The following SASH1 variants were observed in gnomAD, a reference collection of about 807,000 sequenced individuals.
SASH1 encodes SAM and SH3 domain-containing protein 1.
SASH1 carries 44 observed loss-of-function variants against 125.2 expected under a neutral mutation model. That is an observed-to-expected ratio of 0.35 (90% CI 0.28 to 0.45). SASH1 has a LOEUF of 0.45. Ranked by LOEUF, SASH1 falls within the 20% of genes least tolerant of loss-of-function variation. The pLI is 1.00. For missense variants in SASH1, 1,426 were observed against 1,614.5 expected, an observed-to-expected ratio of 0.88 and a Z score of 2.00; for synonymous variants, 639 against 649.1, an observed-to-expected ratio of 0.98 and a Z score of 0.24.
At chr6:148,198,629 ATGT>A in the SASH1 span, among the ~76,000 whole-genome samples, 6 of 152,258 alleles carry the variant, frequency 3.9e-5, no homozygotes, top group Non-Finnish European at 8.8e-5. Context: ...GAAAATCAAG[ATGT>A]TGTATGTTTA....
rs1210293166 is a variant in SASH1 at position 148,550,136 on chromosome 6, G to A, written c.*1578G>A. The stretch of plus-strand genomic sequence containing the variant: ...GGCCTCTGTCCTCTTTTAGTCTAGT[G>A]TCTGGTTTTCTAGCAAACAGTAAAT... On this transcript the variant is annotated 3_prime_UTR_variant, in exon 20 of 20. Transcript: ENST00000367467. 1 of 152,128 alleles carries A rather than the reference G, an allele frequency of 6.6e-6. No homozygotes were observed. Among genetic ancestry groups the A allele is most frequent in the East Asian group, 1.9e-4 (1 of 5,188 alleles). The allele number at this position is 152,128 out of a possible 1,614,324, so 9.4% of individuals were successfully genotyped here.
chr6:148,339,004 TA>T (rs760321688), upstream of SASH1, among the ~76,000 whole-genome samples: 113 of 88,206 alleles, frequency 1.3e-3, no homozygotes, highest in Middle Eastern at 7.0e-3. Context: ...ACTCTGTCTT[TA>T]AAAAAAAAAA....
intron 1 of SASH1, among the ~76,000 whole-genome samples, chr6:148,368,763 C>CGT (rs1491342110): frequency 8.1e-6 from 1 of 124,172 alleles, no homozygotes. Context: ...TGCGCGCGCA[C>CGT]GCGCGCGCAC....
chr6:148,306,049 C>T (rs1206740346), intron 1 of SASH1, among the ~76,000 whole-genome samples: 1 of 151,932 alleles, frequency 6.6e-6, no homozygotes, highest in Non-Finnish European at 1.5e-5. Context: ...TACTATGTAT[C>T]CATAAAAATT....
chr6:148,540,439 C>T lies in SASH1; in HGVS notation c.2096-4C>T, dbSNP rs1186077560. The T allele has an allele frequency of 1.9e-6, 3 of 1,612,190 alleles. No homozygotes were observed. The highest frequency in any genetic ancestry group is 1.7e-6 in the Non-Finnish European group (2 of 1,178,596). The stretch of plus-strand genomic sequence containing the variant: ...TTGATTTCATGCCGTGTTCTCTCCT[C>T]TAGGTAACAGCGACCAGTCAGGATC... On this transcript the variant is annotated splice_region_variant and splice_polypyrimidine_tract_variant and intron_variant, in intron 16 of 19. Transcript: ENST00000367467.
intron 1 of SASH1, among the ~76,000 whole-genome samples, chr6:148,276,641 CAGAG>C (rs759186288): frequency 6.6e-6 from 1 of 152,148 alleles, no homozygotes; most frequent in East Asian, 1.9e-4. Context: ...CAAAGGGAGA[CAGAG>C]AGAAGAGAAA....
chr6:148,397,467 A>G (rs1313857320), intron 2 of SASH1, among the ~76,000 whole-genome samples: 1 of 152,234 alleles, frequency 6.6e-6, no homozygotes, highest in Non-Finnish European at 1.5e-5. Context: ...CCTGGGTGAC[A>G]GAGTGAGACT....
chr6:148,389,287 G>T (rs1272375460), intron 1 of SASH1, among the ~76,000 whole-genome samples: 1 of 152,190 alleles, frequency 6.6e-6, no homozygotes, highest in Admixed American at 6.5e-5. Context: ...AGGTTGAGAC[G>T]TGCCTAAGGC....
At chr6:148,214,073 C>T in the SASH1 span, among the ~76,000 whole-genome samples, 1 of 152,098 alleles carries the variant, frequency 6.6e-6, no homozygotes, top group Non-Finnish European at 1.5e-5. Flanking sequence ...TTGATAATGG[C>T]AGATTGGGGT....
chr6:148,363,211 T>A (rs1210717816), intron 1 of SASH1, among the ~76,000 whole-genome samples: 1 of 152,226 alleles, frequency 6.6e-6, no homozygotes, highest in African/African-American at 2.4e-5. Context: ...TCCTCAATCC[T>A]TTGAATGCAA....
chr6:148,542,120 A>C (rs1583331606), intron 17 of SASH1, among the ~76,000 whole-genome samples: 1 of 152,212 alleles, frequency 6.6e-6, no homozygotes, highest in South Asian at 2.1e-4. Context: ...TCATGCCCAA[A>C]TGAATTCAGG....
chr6:148,485,166 G>T (rs1053052508), intron 7 of SASH1, among the ~76,000 whole-genome samples: 6 of 152,106 alleles, frequency 3.9e-5, no homozygotes, highest in African/African-American at 1.4e-4. Flanking sequence ...ATGCAGCTAA[G>T]GTTGGATATA....
chr6:148,263,106 A>G, the SASH1 span, among the ~76,000 whole-genome samples: 1 of 152,218 alleles, frequency 6.6e-6, no homozygotes, highest in Admixed American at 6.5e-5. Context: ...GACGGCAGGC[A>G]GACTCCTTGG....
At chr6:148,387,520 TTTCTTTCTTTC>T (rs1168848039) in intron 1 of SASH1, among the ~76,000 whole-genome samples, 3 of 130,896 alleles carry the variant, frequency 2.3e-5, no homozygotes, top group Non-Finnish European at 3.7e-5. Flanking sequence ...TTTTTCCTTC[TTTCTTTCTTTC>T]TTCTTTCTTT....
intron 16 of SASH1, among the ~76,000 whole-genome samples, chr6:148,537,066 T>TAAAGTC (rs1173518337): frequency 2.0e-5 from 3 of 152,190 alleles, no homozygotes; most frequent in African/African-American, 7.2e-5. Context: ...CCAATACAGT[T>TAAAGTC]AAAGTCATCG....
intron 19 of SASH1, among the ~76,000 whole-genome samples, chr6:148,547,488 G>A (rs899071710): frequency 3.3e-5 from 5 of 152,164 alleles, no homozygotes; most frequent in Non-Finnish European, 4.4e-5. Context: ...AAGCAGGGGG[G>A]TGGCTATTGT....
intron 1 of SASH1, among the ~76,000 whole-genome samples, chr6:148,347,997 T>C (rs1047687233): frequency 6.6e-5 from 10 of 152,072 alleles, no homozygotes; most frequent in Admixed American, 5.2e-4. Flanking sequence ...ATAATTTTAT[T>C]TATTTATTTG....
intron 1 of SASH1, among the ~76,000 whole-genome samples, chr6:148,354,787 G>A (rs1472096659): frequency 6.6e-6 from 1 of 152,100 alleles, no homozygotes; most frequent in Non-Finnish European, 1.5e-5. Context: ...CCGCGAGATG[G>A]AGTCTTGCTC....
At chr6:148,307,186 T>C (rs1353218662) in intron 1 of SASH1, among the ~76,000 whole-genome samples, 1 of 151,852 alleles carries the variant, frequency 6.6e-6, no homozygotes, top group Non-Finnish European at 1.5e-5. Context: ...TGGCTCAATC[T>C]TGGCTCACTG....
Sources: gnomAD v4.1 joint callset for allele counts (sites outside exome capture counted in the v4.1 genomes callset) on GRCh38, gnomAD v4.1.1 for gene constraint, MANE v1.5 for transcripts, NCBI Gene and HGNC (gene_info 2026-07-23, HGNC 2026-07-21) for gene names.